The following CCDC102B variants were observed in gnomAD, a reference collection of about 807,000 sequenced individuals.
The protein encoded by CCDC102B is coiled-coil domain-containing protein 102B.
CCDC102B carries 75 observed loss-of-function variants against 57.4 expected under a neutral mutation model. The ratio of observed to expected loss-of-function variants is 1.31; its 90% CI spans 1.08 to 1.58. CCDC102B has a LOEUF of 1.58. CCDC102B is among the 40% of genes most tolerant of loss of function. The probability of loss-of-function intolerance (pLI) is 0.00; values close to 1 mark genes in which losing one functional copy is unlikely to be tolerated. For missense variants in CCDC102B, 636 were observed against 582.6 expected (o/e 1.09, Z -0.94); for synonymous variants, 206 against 201.9 (o/e 1.02, Z -0.17).
chr18:68,976,099 C>G (rs1450282056), intron 6 of CCDC102B, among the ~76,000 whole-genome samples: 2 of 151,756 alleles, frequency 1.3e-5, no homozygotes, highest in Non-Finnish European at 2.9e-5. Context: ...AGAATTAAAC[C>G]AAAGTTTTAA....
intron 2 of CCDC102B, among the ~76,000 whole-genome samples, chr18:68,746,957 A>G (rs2033644225): frequency 6.6e-6 from 1 of 152,018 alleles, no homozygotes. Flanking sequence ...TAATTGACAC[A>G]TCATAACTAT....
intron 6 of CCDC102B, among the ~76,000 whole-genome samples, chr18:68,917,063 T>C (rs2041098384): frequency 6.6e-6 from 1 of 152,178 alleles, no homozygotes; most frequent in Non-Finnish European, 1.5e-5. Flanking sequence ...GAATCAGAGC[T>C]CCAGGTGGAG....
chr18:68,911,709 G>C (rs111525420), intron 6 of CCDC102B, among the ~76,000 whole-genome samples: 1 of 115,708 alleles, frequency 8.6e-6, no homozygotes, highest in South Asian at 3.0e-4. Flanking sequence ...CCGAGATCGC[G>C]CCACTGCACT....
At chr18:68,746,063 A>C (rs1452608160) in intron 2 of CCDC102B, among the ~76,000 whole-genome samples, 1 of 152,206 alleles carries the variant, frequency 6.6e-6, no homozygotes, top group East Asian at 1.9e-4. Flanking sequence ...AACCACAGAC[A>C]GAGTAGATCT....
intron 6 of CCDC102B, among the ~76,000 whole-genome samples, chr18:68,919,043 G>A (rs1245488119): frequency 6.6e-6 from 1 of 151,870 alleles, no homozygotes; most frequent in East Asian, 1.9e-4. Flanking sequence ...ATATGTGGAG[G>A]CTTTTTCTGT....
upstream of CCDC102B, chr18:68,798,021 G>A (rs2035693180): frequency 6.6e-6 from 1 of 152,000 alleles, no homozygotes; most frequent in African/African-American, 2.4e-5. Context: ...CACAACCAAT[G>A]GGAATCTTTT....
intron 6 of CCDC102B, among the ~76,000 whole-genome samples, chr18:69,004,490 G>A (rs979050942): frequency 2.2e-4 from 34 of 152,164 alleles, no homozygotes; most frequent in African/African-American, 7.2e-4. Flanking sequence ...AGAGCTGTCA[G>A]TGAAGAGTTG....
At chr18:69,056,681 A>ATAGATAGATAGATAGATAGATAGG (rs1426862753), downstream of CCDC102B, among the ~76,000 whole-genome samples, 3 of 151,278 alleles carry the variant, frequency 2.0e-5, no homozygotes, top group African/African-American at 7.3e-5. Flanking sequence ...AGATAGATAG[A>ATAGATAGATAGATAGATAGATAGG]TAGGATAGAG....
At chr18:68,738,517 C>T (rs939595369) in intron 2 of CCDC102B, among the ~76,000 whole-genome samples, 9 of 152,048 alleles carry the variant, frequency 5.9e-5, no homozygotes, top group Non-Finnish European at 1.0e-4. Context: ...CACTGGTCCC[C>T]GATGGTGGTG....
chr18:68,966,774 C>T (rs1011177974), intron 6 of CCDC102B, among the ~76,000 whole-genome samples: 6 of 152,068 alleles, frequency 3.9e-5, no homozygotes, highest in African/African-American at 1.4e-4. Flanking sequence ...TAGTAGTCTT[C>T]TCAAGAGTTT....
At chr18:68,866,355 A>G (rs1383903479) in intron 4 of CCDC102B, among the ~76,000 whole-genome samples, 1 of 152,256 alleles carries the variant, frequency 6.6e-6, no homozygotes, top group Admixed American at 6.5e-5. Context: ...AGGCAATGGG[A>G]TAATAAAAAT....
At chr18:68,971,140 TTAACC>T (rs2050290708) in intron 6 of CCDC102B, among the ~76,000 whole-genome samples, 1 of 152,070 alleles carries the variant, frequency 6.6e-6, no homozygotes, top group Non-Finnish European at 1.5e-5. Flanking sequence ...ATATTCTTAA[TTAACC>T]TTTAATTAAA....
At chr18:68,949,206 A>G (rs1159860963) in intron 6 of CCDC102B, among the ~76,000 whole-genome samples, 8 of 152,118 alleles carry the variant, frequency 5.3e-5, no homozygotes. Context: ...CTCTTTTGGT[A>G]ACACCTTCAC....
intron 2 of CCDC102B, among the ~76,000 whole-genome samples, chr18:68,774,294 G>A (rs948621664): frequency 2.6e-5 from 4 of 151,166 alleles, no homozygotes; most frequent in African/African-American, 7.3e-5. Context: ...TTATAAATAA[G>A]TATAGTTTTA....
At chr18:68,729,172 G>A (rs887034206) in intron 2 of CCDC102B, among the ~76,000 whole-genome samples, 1 of 152,100 alleles carries the variant, frequency 6.6e-6, no homozygotes, top group African/African-American at 2.4e-5. Context: ...GCTATATGAA[G>A]AAAATTATGA....
chr18:69,026,477 C>A (rs112732065), intron 7 of CCDC102B, among the ~76,000 whole-genome samples: 6,678 of 141,840 alleles, frequency 0.047, 572 homozygotes, highest in African/African-American at 0.17. Context: ...AAAAAAAAAA[C>A]CCCAGAGAAA....
intron 6 of CCDC102B, among the ~76,000 whole-genome samples, chr18:68,925,585 C>T (rs558634792): frequency 6.6e-6 from 1 of 151,984 alleles, no homozygotes; most frequent in Non-Finnish European, 1.5e-5. Context: ...GGTAGCAACA[C>T]CTCTTTATTC....
intron 3 of CCDC102B, among the ~76,000 whole-genome samples, chr18:68,839,846 A>G (rs1304438464): frequency 6.6e-6 from 1 of 152,100 alleles, no homozygotes; most frequent in Non-Finnish European, 1.5e-5. Context: ...CAAAAGTCAG[A>G]CCCACTTATC....
At chr18:68,773,959 C>T (rs909075155) in intron 2 of CCDC102B, among the ~76,000 whole-genome samples, 4 of 151,748 alleles carry the variant, frequency 2.6e-5, no homozygotes, top group African/African-American at 9.7e-5. Context: ...TATGCCTTTT[C>T]TTTCAATAGT....
Sources: allele counts gnomAD v4.1 joint callset (sites outside exome capture counted in the v4.1 genomes callset), GRCh38; gene constraint gnomAD v4.1.1; transcripts MANE v1.5; gene names NCBI Gene and HGNC (gene_info 2026-07-23, HGNC 2026-07-21).